IL19: variants seen among roughly 807,000 people sequenced by gnomAD.
The protein encoded by IL19 is interleukin-19.
A neutral mutation model predicts 19.5 loss-of-function variants in IL19; 15 were observed. The observed-to-expected ratio is 0.77, with a 90% CI of 0.52 to 1.19. The LOEUF (loss-of-function observed/expected upper bound fraction) is 1.19. Among genes scored for constraint, IL19 ranks in the 50% most tolerant of loss-of-function variants. IL19 has a pLI of 0.00. For missense variants in IL19, 199 were observed against 213.1 expected, an observed-to-expected ratio of 0.93 and a Z score of 0.41; for synonymous variants, 78 against 78.3, an observed-to-expected ratio of 1.00 and a Z score of 0.02.
intron 1 of IL19, among the ~76,000 whole-genome samples, chr1:206,786,421 G>A (rs1675271013): frequency 6.6e-6 from 1 of 152,108 alleles, no homozygotes; most frequent in South Asian, 2.1e-4. Flanking sequence ...GCAAGTGGAG[G>A]GAGAGTTAGT....
At chr1:206,841,926 G>A (rs1228498981) in intron 6 of IL19, among the ~76,000 whole-genome samples, 2 of 152,194 alleles carry the variant, frequency 1.3e-5, no homozygotes, top group Non-Finnish European at 2.9e-5. Flanking sequence ...CACGGCAGAG[G>A]TAGGATTCAA....
At chr1:206,826,707 C>A (rs1018498493) in intron 2 of IL19, among the ~76,000 whole-genome samples, 8 of 152,212 alleles carry the variant, frequency 5.3e-5, no homozygotes, top group African/African-American at 1.7e-4. Context: ...GAGGAAAAAA[C>A]CACATCCGAT....
chr1:206,800,633 G>T (rs1036473488), intron 2 of IL19, among the ~76,000 whole-genome samples: 3 of 152,228 alleles, frequency 2.0e-5, no homozygotes, highest in African/African-American at 7.2e-5. Context: ...GGGGAAAGGA[G>T]ACAGGAATGA....
At chr1:206,778,612 T>C (rs1349639686) in intron 1 of IL19, among the ~76,000 whole-genome samples, 1 of 152,198 alleles carries the variant, frequency 6.6e-6, no homozygotes, top group Non-Finnish European at 1.5e-5. Flanking sequence ...CTTACTCTGC[T>C]ACCACCATCT....
chr1:206,841,127 A>C (rs2243188), intron 6 of IL19, 49 bp downstream of exon 6: 1,092,464 of 1,485,528 alleles, frequency 0.74, 407,337 homozygotes, highest in Non-Finnish European at 0.77. Flanking sequence ...GAGGTAGATC[A>C]GGAGGGTGCC....
At chr1:206,777,303 A>G (rs1572543169) in intron 1 of IL19, among the ~76,000 whole-genome samples, 1 of 129,612 alleles carries the variant, frequency 7.7e-6, no homozygotes. Context: ...GCTACTTGGG[A>G]GGCTGAGGCA....
At chr1:206,786,527 A>T (rs1176485442) in intron 1 of IL19, among the ~76,000 whole-genome samples, 1 of 152,148 alleles carries the variant, frequency 6.6e-6, no homozygotes, top group Non-Finnish European at 1.5e-5. Context: ...GGTCACTGTG[A>T]CCATAGCTGG....
intron 5 of IL19, chr1:206,840,304 C>G (rs764061091): frequency 2.0e-6 from 1 of 494,964 alleles, no homozygotes; most frequent in Non-Finnish European, 3.8e-6. Flanking sequence ...TGTAAGCATA[C>G]CCCTGGTTTC....
intron 1 of IL19, among the ~76,000 whole-genome samples, chr1:206,786,301 A>C (rs1053433895): frequency 6.6e-6 from 1 of 152,236 alleles, no homozygotes; most frequent in African/African-American, 2.4e-5. Context: ...TACTGAGACT[A>C]CTACAGCTAC....
Position 206,802,895 on chromosome 1 carries a change from G to A in IL19, c.-3+3889G>A, listed in dbSNP as rs145955218. 3.0e-3 allele frequency among the ~76,000 whole-genome samples: 451 copies of A among 152,320 alleles called. 4 individuals carry two copies. The highest frequency in any genetic ancestry group is 0.01 in the African/African-American group (430 of 41,564). On this transcript the variant is annotated intron_variant, in intron 2 of 6. Coordinates refer to ENST00000659997, the MANE Select transcript of IL19 (RefSeq NM_153758.5). Reference sequence around the variant, plus strand: ...GACTGTTAAGGAAGACGAGGGGACAGGAAAGCAAGGGGAATGTCAAAGAAA... The same window carrying A: ...GACTGTTAAGGAAGACGAGGGGACAAGAAAGCAAGGGGAATGTCAAAGAAA...
rs555575100 is a variant in IL19 at position 206,794,660 on chromosome 1, T to C, written c.-148-4201T>C. 3.3e-5 allele frequency among the ~76,000 whole-genome samples: 5 copies of C among 152,280 alleles called. No homozygotes were observed. The East Asian group carries it at 5.8e-4, about 18-fold the overall frequency. On this transcript the variant is annotated intron_variant, in intron 1 of 6. Transcript: ENST00000659997. ...TTCTCATGCCTGACAAGTCACAAGG[T>C]GAGCAATAGGTTCTTTAGAAGAGAC...
At chr1:206,798,213 C>T (rs545454053) in intron 1 of IL19, among the ~76,000 whole-genome samples, 10 of 152,186 alleles carry the variant, frequency 6.6e-5, no homozygotes, top group Middle Eastern at 3.4e-3. Flanking sequence ...TTCATAGGTG[C>T]GATCATAGTG....
At chr1:206,781,696 G>A (rs3122605) in intron 1 of IL19, among the ~76,000 whole-genome samples, 133,585 of 150,744 alleles carry the variant, frequency 0.89, 59,307 homozygotes, top group East Asian at 0.97. Context: ...TAGACTAAGG[G>A]AGAAGGGAAA....
intron 1 of IL19, among the ~76,000 whole-genome samples, chr1:206,790,572 G>A (rs1394001960): frequency 6.6e-6 from 1 of 152,236 alleles, no homozygotes; most frequent in Non-Finnish European, 1.5e-5. Flanking sequence ...CCAACGGCCT[G>A]TGTCAGAGCT....
intron 2 of IL19, among the ~76,000 whole-genome samples, chr1:206,830,964 C>T (rs192344405): frequency 1.3e-5 from 2 of 152,126 alleles, no homozygotes; most frequent in Non-Finnish European, 2.9e-5. Context: ...TCAAATCTAA[C>T]CAAAATTACT....
intron 6 of IL19, 84 bp downstream of exon 6, chr1:206,841,162 A>C: frequency 1.0e-6 from 1 of 992,238 alleles, no homozygotes; most frequent in South Asian, 1.3e-5. Flanking sequence ...CTCTCCACTT[A>C]AATTCATGCA....
intron 2 of IL19, chr1:206,829,038 G>A (rs905463615): frequency 8.1e-6 from 1 of 123,926 alleles, no homozygotes; most frequent in Non-Finnish European, 1.6e-5. Context: ...TTTCAGAGAT[G>A]TGGTCTCGCT....
At chr1:206,809,867 C>T (rs752665092) in intron 2 of IL19, among the ~76,000 whole-genome samples, 2 of 152,252 alleles carry the variant, frequency 1.3e-5, no homozygotes, top group Non-Finnish European at 2.9e-5. Flanking sequence ...CAGTAGATTG[C>T]ATGTTGCAGC....
At chr1:206,811,278 C>T (rs895802699) in intron 2 of IL19, among the ~76,000 whole-genome samples, 2 of 151,738 alleles carry the variant, frequency 1.3e-5, no homozygotes, top group African/African-American at 4.8e-5. Flanking sequence ...CCCACCTCTA[C>T]TAAAAATACA....
Sources: allele counts gnomAD v4.1 joint callset (sites outside exome capture counted in the v4.1 genomes callset), GRCh38; gene constraint gnomAD v4.1.1; transcripts MANE v1.5; gene names NCBI Gene and HGNC (gene_info 2026-07-23, HGNC 2026-07-21).